Variants in ALLC observed in about 807,000 individuals in gnomAD.
ALLC encodes allantoicase, also known as probable inactive allantoicase.
Under a neutral mutation model 45.0 loss-of-function variants are expected in ALLC, and 40 were observed. The ratio of observed to expected loss-of-function variants is 0.89; its 90% CI spans 0.69 to 1.16. The LOEUF is 1.16. ALLC is among the 50% of genes most tolerant of loss of function. The pLI, the probability that ALLC is intolerant of heterozygous loss-of-function variation, is 0.00. For synonymous variants in ALLC, 176 were observed against 178.1 expected (o/e 0.99, Z 0.09); for missense variants, 488 against 493.1 (o/e 0.99, Z 0.10).
upstream of ALLC, among the ~76,000 whole-genome samples, chr2:3,654,562 C>G (rs182734785): frequency 6.6e-6 from 1 of 152,328 alleles, no homozygotes; most frequent in Admixed American, 6.5e-5. Flanking sequence ...CTGACCCACA[C>G]ATTCAGGTTA....
At chr2:3,697,609 C>CTCTGTCTGTCTGTCTGTCTG (rs757923260) in intron 10 of ALLC, among the ~76,000 whole-genome samples, 153 bp downstream of exon 10, 6 of 146,916 alleles carry the variant, frequency 4.1e-5, no homozygotes, top group African/African-American at 1.3e-4. Flanking sequence ...ACCCTTAGAA[C>CTCTGTCTGTCTGTCTGTCTG]TCTGTCTGTC....
At position 3,671,180 on chromosome 2, in the gene ALLC, T is replaced by C. The variant is rs1158623343; in HGVS notation, c.23T>C (p.Val8Ala). Residue 8 changes from valine to alanine, a missense_variant, in exon 2 of 12, where the codon GTA becomes GCA. Val to Ala is a moderately conservative substitution (Grantham distance 64, BLOSUM62 0). Transcript: ENST00000252505. MDMASES[V>A]GGKILFATDD... ...CTGATGGACATGGCATCTGAATCCG[T>C]AGGAGGAAAAGTAAGTGGGTCTCTC... The C allele has an allele frequency of 3.1e-6, 5 of 1,611,292 alleles. No individual in the cohort carries two copies. Among genetic ancestry groups the C allele is most frequent in the Admixed American group, 1.7e-5 (1 of 59,738 alleles).
At chr2:3,646,308 C>T in the ALLC span, among the ~76,000 whole-genome samples, 2 of 152,192 alleles carry the variant, frequency 1.3e-5, no homozygotes. Context: ...AATGCCAATA[C>T]CCCAGCTATG....
chr2:3,687,626 G>C (rs1309491255), intron 7 of ALLC, among the ~76,000 whole-genome samples: 1 of 150,788 alleles, frequency 6.6e-6, no homozygotes, highest in Non-Finnish European at 1.5e-5. Context: ...ATTCATTATT[G>C]GTTTATTAAG....
At chr2:3,683,522 A>G (rs1463634003) in intron 7 of ALLC, among the ~76,000 whole-genome samples, 6 of 152,218 alleles carry the variant, frequency 3.9e-5, no homozygotes, top group Non-Finnish European at 8.8e-5. Flanking sequence ...TCATCTCAGA[A>G]AGAAACCCCA....
At chr2:3,656,767 C>A (rs1666452012), upstream of ALLC, among the ~76,000 whole-genome samples, 1 of 141,558 alleles carries the variant, frequency 7.1e-6, no homozygotes, top group Non-Finnish European at 1.5e-5. Context: ...ATTGTAGGAG[C>A]CAGCTCGGTG....
In ALLC at chr2:3,695,746, G is replaced by A. The variant is rs1420266008; in HGVS notation, c.541G>A (p.Gly181Ser). Residue 181 changes from glycine to serine, a missense_variant, in exon 8 of 12, where the codon GGT (glycine) becomes AGT (serine). Physicochemically the swap from Gly to Ser is moderately conservative, Grantham distance 56 (BLOSUM62 0). Transcript: ENST00000252505. ...TGGAATTGCACGACTTAGAGTATTC[G>A]GTACTGGACAAAAAGACTGGACTGC... is the stretch of plus-strand genomic sequence containing the variant. Reference protein sequence around the residue: ...DGGIARLRVFGTGQKDWTATD... With the variant: ...DGGIARLRVFSTGQKDWTATD... The A allele has an allele frequency of 1.4e-5, 23 of 1,613,972 alleles. No individual in the cohort carries two copies. The highest frequency in any genetic ancestry group is 1.8e-5 in the Non-Finnish European group (21 of 1,179,886).
chr2:3,651,304 G>A, the ALLC span, among the ~76,000 whole-genome samples: 114 of 6,394 alleles, frequency 0.018, 26 homozygotes, highest in African/African-American at 0.043. Flanking sequence ...TTTTGGGTGG[G>A]TGGGTGGGTG....
chr2:3,673,867 A>T (rs1259257211), intron 2 of ALLC, among the ~76,000 whole-genome samples: 2 of 152,208 alleles, frequency 1.3e-5, no homozygotes, highest in Admixed American at 1.3e-4. Flanking sequence ...AATCGGAAAA[A>T]AGGGTGGGAA....
At chr2:3,647,312 CACACACACACAT>C in the ALLC span, among the ~76,000 whole-genome samples, 1 of 8,808 alleles carries the variant, frequency 1.1e-4, no homozygotes, top group Admixed American at 2.3e-3. Context: ...CACACACTCA[CACACACACACAT>C]ACACACACGA....
intron 8 of ALLC, 118 bp downstream of exon 8, chr2:3,695,990 G>T: frequency 9.3e-7 from 1 of 1,075,242 alleles, no homozygotes; most frequent in South Asian, 1.7e-5. Context: ...AGCAGTGGAT[G>T]AGATTAATCT....
chr2:3,683,856 A>T (rs996394341), intron 7 of ALLC, among the ~76,000 whole-genome samples: 1 of 152,214 alleles, frequency 6.6e-6, no homozygotes, highest in Admixed American at 6.5e-5. Flanking sequence ...TCACTGGAAT[A>T]TTTCAGATTT....
intron 6 of ALLC, among the ~76,000 whole-genome samples, chr2:3,682,674 C>T (rs1047684592): frequency 9.9e-5 from 15 of 152,024 alleles, no homozygotes; most frequent in African/African-American, 2.4e-4. Context: ...TACAGGCGCC[C>T]GCCACCACGC....
At chr2:3,676,279 CTT>C (rs754546743) in intron 3 of ALLC, among the ~76,000 whole-genome samples, 1 of 151,800 alleles carries the variant, frequency 6.6e-6, no homozygotes, top group Admixed American at 6.6e-5. Flanking sequence ...ATTCTGCACA[CTT>C]TTTTTGGTGG....
rs73140851 is a variant in ALLC, at chr2:3,702,521, G to A, written c.1134G>A (p.Lys378=). Residue 378 remains lysine (K), a synonymous_variant, in exon 12 of 12, where the codon AAG becomes AAA. Transcript: ENST00000252505. ...TCTGCCTCCTGAGGCCCCGGGAGAAGCCCATGTTGAAGTTCTCGGTGAGCT... is the reference window on the plus strand; with the variant it reads ...TCTGCCTCCTGAGGCCCCGGGAGAAACCCATGTTGAAGTTCTCGGTGAGCT... ...SSICLLRPRE[K]PMLKFSVSFK... 3 of 1,607,142 alleles carry A rather than the reference G, an allele frequency of 1.9e-6. No individual in the cohort carries two copies. The African/African-American group carries it at 4.0e-5, about 22-fold the overall frequency.
the ALLC span, among the ~76,000 whole-genome samples, chr2:3,648,697 C>T: frequency 2.6e-5 from 4 of 152,180 alleles, no homozygotes; most frequent in African/African-American, 9.7e-5. Flanking sequence ...TGTCCACTGC[C>T]CCCCATTCTC....
At chr2:3,699,390 T>C (rs1019640746) in intron 10 of ALLC, among the ~76,000 whole-genome samples, 4 of 152,226 alleles carry the variant, frequency 2.6e-5, no homozygotes, top group African/African-American at 9.6e-5. Context: ...ATATTTTCTT[T>C]AGCCAGTCTA....
rs1443085036 is a variant in ALLC, at chr2:3,680,092, A to G, written c.298+98A>G. 4 of 1,537,114 alleles carry G rather than the reference A, an allele frequency of 2.6e-6. No homozygotes were observed. Among genetic ancestry groups the G allele is most frequent in the Non-Finnish European group, 3.6e-6 (4 of 1,123,032 alleles). Reference sequence around the variant, plus strand: ...CAACTGCTCACTTTCCCTACCACCCAGACAGCTTCAGGCGCTTGACTAAGG... The same window carrying G: ...CAACTGCTCACTTTCCCTACCACCCGGACAGCTTCAGGCGCTTGACTAAGG... On this transcript the variant is annotated intron_variant, in intron 5 of 11. Transcript: ENST00000252505. This position sits in a 1 kb window ranked among gnomAD's most constrained non-coding sequence, Gnocchi z 4.0.
At chr2:3,678,903 G>A (rs916286384) in intron 4 of ALLC, among the ~76,000 whole-genome samples, 7 of 152,164 alleles carry the variant, frequency 4.6e-5, no homozygotes, top group African/African-American at 1.4e-4. Context: ...CTCTGGAGTA[G>A]GTCTCTTTAT....
Sources: gnomAD v4.1 joint callset for allele counts (sites outside exome capture counted in the v4.1 genomes callset) on GRCh38, gnomAD v4.1.1 for gene constraint, Gnocchi (gnomAD v3.1) non-coding constraint, MANE v1.5 for transcripts, NCBI Gene and HGNC (gene_info 2026-07-23, HGNC 2026-07-21) for gene names.